Variants in SLC1A2 observed in about 807,000 individuals in gnomAD.
SLC1A2 encodes solute carrier family 1 member 2.
A neutral mutation model predicts 48.8 loss-of-function variants in SLC1A2; 15 were observed. The observed-to-expected ratio is 0.31, with a 90% CI of 0.21 to 0.47. The LOEUF is 0.47. Ranked by LOEUF, SLC1A2 falls within the 20% of genes least tolerant of loss-of-function variation. SLC1A2 has a pLI of 0.99. For missense variants in SLC1A2, 502 were observed against 730.5 expected (o/e 0.69, Z 3.61); for synonymous variants, 279 against 272.6 (o/e 1.02, Z -0.23).
At chr11:35,331,566 A>G (rs1213758921) in intron 1 of SLC1A2, among the ~76,000 whole-genome samples, 1 of 152,130 alleles carries the variant, frequency 6.6e-6, no homozygotes, top group Non-Finnish European at 1.5e-5. Context: ...AAGAATGTAT[A>G]TTTATCACTC....
At position 35,358,892 on chromosome 11, in the gene SLC1A2, C is replaced by T. The variant is rs144857023; in HGVS notation, c.18-41376G>A. Among the ~76,000 whole-genome samples the T allele has an allele frequency of 2.0e-3, 300 of 152,262 alleles. 1 individual carries two copies. The highest frequency in any genetic ancestry group is 6.4e-3 in the African/African-American group (266 of 41,556). Reference sequence around the variant, plus strand: ...TGGTCATTGTCACACCCACACTCTACGTTGCAAGAGGAAAGAGAAATACTT... The same window carrying T: ...TGGTCATTGTCACACCCACACTCTATGTTGCAAGAGGAAAGAGAAATACTT... On this transcript the variant is annotated intron_variant, in intron 1 of 10. Transcript: ENST00000278379.
chr11:35,300,145 T>C (rs370882524), intron 6 of SLC1A2, among the ~76,000 whole-genome samples: 24 of 152,088 alleles, frequency 1.6e-4, no homozygotes, highest in African/African-American at 5.8e-4. Flanking sequence ...ACATGTGAAA[T>C]AAAGGGGAAA....
At chr11:35,407,684 C>A (rs1483360020) in intron 1 of SLC1A2, among the ~76,000 whole-genome samples, 1 of 152,220 alleles carries the variant, frequency 6.6e-6, no homozygotes, top group Non-Finnish European at 1.5e-5. Context: ...CCAATGAGTA[C>A]TTTTCAGTCC....
rs1850656979 is a variant in SLC1A2 at position 35,282,133 on chromosome 11, C to T, written c.1287-1132G>A. On this transcript the variant is annotated intron_variant, in intron 8 of 10. Transcript: ENST00000278379. The stretch of plus-strand genomic sequence containing the variant: ...GTTTTTTCCCCTATTGCCATCATTC[C>T]CAGGTTTAGGCCCATCCTTGCATAG... Among the ~76,000 whole-genome samples, 3 of 152,122 alleles carry T rather than the reference C, an allele frequency of 2.0e-5. No individual in the cohort carries two copies. In the South Asian group the frequency reaches 6.2e-4, roughly 32 times the overall value.
intron 1 of SLC1A2, among the ~76,000 whole-genome samples, chr11:35,372,622 A>T (rs924903662): frequency 2.0e-5 from 3 of 152,252 alleles, no homozygotes; most frequent in African/African-American, 7.2e-5. Flanking sequence ...AGTAAGAATT[A>T]TAATCAATAA....
chr11:35,407,326 C>A (rs1855327936), intron 1 of SLC1A2, among the ~76,000 whole-genome samples: 1 of 152,144 alleles, frequency 6.6e-6, no homozygotes, highest in African/African-American at 2.4e-5. Context: ...CCTGCAGGAA[C>A]CCCCAAAGTG....
At chr11:35,368,936 G>A (rs1364994327) in intron 1 of SLC1A2, among the ~76,000 whole-genome samples, 2 of 152,186 alleles carry the variant, frequency 1.3e-5, no homozygotes, top group African/African-American at 4.8e-5. Flanking sequence ...ATTATGACAG[G>A]GGTGGGATGG....
At chr11:35,331,915 G>C (rs771073437) in intron 1 of SLC1A2, among the ~76,000 whole-genome samples, 41 of 152,100 alleles carry the variant, frequency 2.7e-4, no homozygotes, top group Non-Finnish European at 5.1e-4. Context: ...CTATCCCTGG[G>C]CCCTGTCCAT....
At chr11:35,384,868 A>G (rs545577970) in intron 1 of SLC1A2, among the ~76,000 whole-genome samples, 1 of 152,352 alleles carries the variant, frequency 6.6e-6, no homozygotes, top group East Asian at 1.9e-4. Context: ...TAAGATGCTA[A>G]GGCTGGGAAG....
intron 6 of SLC1A2, among the ~76,000 whole-genome samples, chr11:35,295,433 T>C (rs3794092): frequency 0.014 from 2,188 of 152,248 alleles, 46 homozygotes; most frequent in East Asian, 0.096. Context: ...AATTACCTAA[T>C]TGAAAATAAC....
intron 1 of SLC1A2, among the ~76,000 whole-genome samples, chr11:35,333,487 T>A (rs1471782103): frequency 6.6e-6 from 1 of 152,044 alleles, no homozygotes; most frequent in Non-Finnish European, 1.5e-5. Context: ...TATATTGTTA[T>A]ACCAAAATTA....
At chr11:35,311,212 C>T (rs1462502252) in intron 4 of SLC1A2, among the ~76,000 whole-genome samples, 3 of 152,116 alleles carry the variant, frequency 2.0e-5, no homozygotes, top group Non-Finnish European at 4.4e-5. Flanking sequence ...GTCTCCCAGG[C>T]TGGAGTGCAG....
In SLC1A2 at chr11:35,392,642, C is replaced by T. The variant is rs975472537; in HGVS notation, c.17+26308G>A. ...CTTTGGCTGCCTAAATTAAGACTCCCGGGGTTCCCACACTCTTTTTCCCAA... is the reference window on the plus strand; with the variant it reads ...CTTTGGCTGCCTAAATTAAGACTCCTGGGGTTCCCACACTCTTTTTCCCAA... On this transcript the variant is annotated intron_variant, in intron 1 of 10. Coordinates refer to ENST00000278379, the MANE Select transcript of SLC1A2 (RefSeq NM_004171.4). 2.0e-5 allele frequency among the ~76,000 whole-genome samples: 3 copies of T among 152,156 alleles called. No individual in the cohort carries two copies. The East Asian group carries it at 5.8e-4, about 29-fold the overall frequency.
intron 1 of SLC1A2, among the ~76,000 whole-genome samples, chr11:35,353,003 T>G (rs115561553): frequency 0.018 from 2,683 of 152,310 alleles, 62 homozygotes; most frequent in African/African-American, 0.061. Flanking sequence ...CAAGACCGAC[T>G]TTGAATTTTG....
chr11:35,355,714 A>C (rs149873574), intron 1 of SLC1A2, among the ~76,000 whole-genome samples: 1,536 of 152,072 alleles, frequency 0.01, 29 homozygotes, highest in African/African-American at 0.036. Flanking sequence ...GTGAAACCCC[A>C]CCTCTACTAA....
intron 1 of SLC1A2, among the ~76,000 whole-genome samples, chr11:35,383,613 C>T (rs192876892): frequency 6.6e-6 from 1 of 152,310 alleles, no homozygotes; most frequent in Admixed American, 6.5e-5. Flanking sequence ...TAGTTCCCAC[C>T]TCATGGGGTT....
chr11:35,315,545 G>A, intron 2 of SLC1A2: 1 of 165,258 alleles, frequency 6.1e-6, no homozygotes, highest in East Asian at 1.6e-4. Flanking sequence ...TATAATCCCA[G>A]CACTTTGGGA....
intron 10 of SLC1A2, among the ~76,000 whole-genome samples, chr11:35,263,063 G>A (rs1248930387): frequency 1.3e-5 from 2 of 152,192 alleles, no homozygotes; most frequent in East Asian, 3.8e-4. Flanking sequence ...TTAGGGCTGG[G>A]TCACAGTAGT....
intron 7 of SLC1A2, among the ~76,000 whole-genome samples, chr11:35,287,379 A>G (rs1235640259): frequency 1.3e-5 from 2 of 152,174 alleles, no homozygotes; most frequent in Non-Finnish European, 2.9e-5. Flanking sequence ...CCATAATTTC[A>G]TGCTAGAAAT....
Sources: allele counts gnomAD v4.1 joint callset (sites outside exome capture counted in the v4.1 genomes callset), GRCh38; gene constraint gnomAD v4.1.1; transcripts MANE v1.5; gene names NCBI Gene and HGNC (gene_info 2026-07-23, HGNC 2026-07-21).